Variants in NLRP8 observed in about 807,000 individuals in gnomAD.
NLRP8 encodes NACHT, LRR and PYD domains-containing protein 8.
A neutral mutation model predicts 88.7 loss-of-function variants in NLRP8; 86 were observed. That is an observed-to-expected ratio of 0.97 (90% CI 0.81 to 1.16). The LOEUF is 1.16. Ranked by LOEUF, NLRP8 falls within the 50% of genes most tolerant of loss-of-function variation. NLRP8 has a pLI of 0.00. For synonymous variants in NLRP8, 504 were observed against 494.6 expected (o/e 1.02, Z -0.25); for missense variants, 1,342 against 1,286.5 (o/e 1.04, Z -0.66).
intron 1 of NLRP8, among the ~76,000 whole-genome samples, chr19:55,950,270 AT>A (rs1979032112): frequency 2.0e-5 from 3 of 150,896 alleles, no homozygotes; most frequent in African/African-American, 7.3e-5. Flanking sequence ...AAAAAAAAAA[AT>A]AGCCGGGCGT....
At chr19:55,948,664 C>T (rs545170559) in intron 1 of NLRP8, among the ~76,000 whole-genome samples, 7 of 152,276 alleles carry the variant, frequency 4.6e-5, no homozygotes, top group African/African-American at 7.2e-5. Flanking sequence ...TCTCGAACTA[C>T]TGACCTCAGG....
At chr19:55,958,660 G>A (rs776134482) in intron 3 of NLRP8, among the ~76,000 whole-genome samples, 5 of 152,072 alleles carry the variant, frequency 3.3e-5, no homozygotes, top group African/African-American at 4.8e-5. Context: ...TTTGCTACTT[G>A]GTCAATTACA....
At chr19:55,969,515 A>G (rs1407455308) in intron 5 of NLRP8, among the ~76,000 whole-genome samples, 1 of 152,142 alleles carries the variant, frequency 6.6e-6, no homozygotes, top group Non-Finnish European at 1.5e-5. Flanking sequence ...GTCAATGGGT[A>G]CTTAAGTGGG....
rs1165775867 is a variant in NLRP8 at position 55,988,442 on chromosome 19, G to GTATATATATATATATATATA, written c.*530_*531insATATATATATATATATATAT. On this transcript the variant is annotated 3_prime_UTR_variant, in exon 10 of 10. Coordinates refer to ENST00000291971, the MANE Select transcript of NLRP8 (RefSeq NM_176811.2). ...TACACATAAATATATATATGTGTGT[G>GTATATATATATATATATATA]TGTATATATATATATATATATATAT... The GTATATATATATATATATATA allele has an allele frequency of 6.3e-4, 65 of 103,722 alleles. No individual in the cohort carries two copies. The highest frequency in any genetic ancestry group is 1.5e-3 in the South Asian group (5 of 3,232). 6.4% of individuals were successfully genotyped at this position (103,722 alleles called of 1,614,324 possible).
chr19:55,951,419 C>T (rs1446308340), intron 1 of NLRP8, among the ~76,000 whole-genome samples: 1 of 152,116 alleles, frequency 6.6e-6, no homozygotes, highest in African/African-American at 2.4e-5. Context: ...ATTTGGTGTT[C>T]ACAAGAATTT....
intron 2 of NLRP8, among the ~76,000 whole-genome samples, chr19:55,953,419 A>G (rs1349090679): frequency 6.6e-6 from 1 of 152,138 alleles, no homozygotes; most frequent in Non-Finnish European, 1.5e-5. Context: ...ATCCCCCGCC[A>G]CCTGGTCCAT....
chr19:55,975,141 G>A (rs544435254), intron 7 of NLRP8, among the ~76,000 whole-genome samples: 5 of 152,232 alleles, frequency 3.3e-5, no homozygotes, highest in Admixed American at 1.3e-4. Context: ...CATAACCATC[G>A]AATCCCCTCT....
chr19:55,971,439 C>CAAAA (rs34787079), intron 6 of NLRP8, among the ~76,000 whole-genome samples: 1 of 87,014 alleles, frequency 1.1e-5, no homozygotes, highest in African/African-American at 4.3e-5. Flanking sequence ...AGACTCGTCT[C>CAAAA]AAAAAAAAAA....
At chr19:55,981,600 T>A (rs1404522753) in intron 9 of NLRP8, among the ~76,000 whole-genome samples, 1 of 152,238 alleles carries the variant, frequency 6.6e-6, no homozygotes, top group Non-Finnish European at 1.5e-5. Context: ...GTCCATCAAC[T>A]GTTAAGGAAG....
chr19:55,983,531 G>A (rs1367637768), intron 9 of NLRP8, among the ~76,000 whole-genome samples: 1 of 149,288 alleles, frequency 6.7e-6, no homozygotes, highest in South Asian at 2.1e-4. Flanking sequence ...ACCATCAGAA[G>A]GTGCTGAAAC....
intron 8 of NLRP8, among the ~76,000 whole-genome samples, chr19:55,978,276 C>A (rs536128400): frequency 1.3e-5 from 2 of 151,830 alleles, no homozygotes; most frequent in Non-Finnish European, 2.9e-5. Context: ...TGTTAAATGG[C>A]GAGTTACTGA....
chr19:55,970,760 G>A, intron 6 of NLRP8, 64 bp downstream of exon 6: 1 of 1,595,426 alleles, frequency 6.3e-7, no homozygotes, highest in Non-Finnish European at 8.6e-7. Context: ...GGTAGATTTA[G>A]TGCTTCTGTG....
At chr19:55,983,900 G>A (rs75980235) in intron 9 of NLRP8, among the ~76,000 whole-genome samples, 40 of 150,888 alleles carry the variant, frequency 2.7e-4, no homozygotes, top group Non-Finnish European at 5.3e-4. Flanking sequence ...ACTTGGAACC[G>A]ATGGTGACTT....
intron 1 of NLRP8, among the ~76,000 whole-genome samples, chr19:55,950,492 A>G (rs138737197): frequency 6.6e-6 from 1 of 152,206 alleles, no homozygotes; most frequent in East Asian, 1.9e-4. Flanking sequence ...TGGATTCTGT[A>G]TTCGTGAATG....
At chr19:55,956,286 C>T (rs1320605463) in intron 3 of NLRP8, among the ~76,000 whole-genome samples, 186 bp downstream of exon 3, 2 of 152,130 alleles carry the variant, frequency 1.3e-5, no homozygotes, top group Non-Finnish European at 2.9e-5. Context: ...CTCTGTTGCC[C>T]AGGCTGGAGT....
rs144773463 is a variant in NLRP8, at chr19:55,973,673, A to C, written c.2556A>C (p.Thr852=). ...ATAGGATAGAGAACTGCAACCTTACACAGCTTACTTGTGAAAGCCTTGCCT... is the reference window on the plus strand; with the variant it reads ...ATAGGATAGAGAACTGCAACCTTACCCAGCTTACTTGTGAAAGCCTTGCCT... Residue 852 remains threonine (T), a synonymous_variant, in exon 7 of 10, where the codon ACA becomes ACC. Coordinates refer to ENST00000291971, the MANE Select transcript of NLRP8 (RefSeq NM_176811.2). 23 of 1,613,092 alleles carry C rather than the reference A, an allele frequency of 1.4e-5. No individual in the cohort carries two copies. The highest frequency in any genetic ancestry group is 1.9e-5 in the Non-Finnish European group (22 of 1,179,374).
chr19:55,978,740 G>T (rs1399010451), intron 8 of NLRP8, among the ~76,000 whole-genome samples: 1 of 152,130 alleles, frequency 6.6e-6, no homozygotes, highest in Non-Finnish European at 1.5e-5. Flanking sequence ...AGTACTGTGT[G>T]GGAGGGCAAA....
intron 5 of NLRP8, 79 bp from the exon 6 acceptor site, chr19:55,970,465 A>T (rs1288343245): frequency 6.7e-7 from 1 of 1,494,236 alleles, no homozygotes; most frequent in African/African-American, 1.4e-5. Flanking sequence ...CTGAGACATG[A>T]GACAGTGGAA....
intron 9 of NLRP8, among the ~76,000 whole-genome samples, chr19:55,980,395 C>T (rs938066599): frequency 1.3e-5 from 2 of 152,186 alleles, no homozygotes; most frequent in African/African-American, 4.8e-5. Flanking sequence ...TGAATTACCT[C>T]AACGCTTAGT....
Sources: allele counts gnomAD v4.1 joint callset (sites outside exome capture counted in the v4.1 genomes callset), GRCh38; gene constraint gnomAD v4.1.1; transcripts MANE v1.5; gene names NCBI Gene and HGNC (gene_info 2026-07-23, HGNC 2026-07-21).